PCBP3: variants seen among roughly 807,000 people sequenced by gnomAD.
PCBP3 encodes the protein poly(rC) binding protein 3, also known as poly(rC)-binding protein 3.
In PCBP3, 25 loss-of-function variants were observed where a neutral mutation model predicts 52.7. The ratio of observed to expected loss-of-function variants is 0.47; its 90% CI spans 0.35 to 0.66. The LOEUF is 0.66. PCBP3 is among the 30% of genes least tolerant of loss of function. PCBP3 has a pLI of 0.01. For missense variants in PCBP3, 391 were observed against 490.3 expected, an observed-to-expected ratio of 0.80 and a Z score of 1.91; for synonymous variants, 162 against 183.0, an observed-to-expected ratio of 0.89 and a Z score of 0.93.
At chr21:45,785,175 C>G (rs1304247223) in intron 4 of PCBP3, among the ~76,000 whole-genome samples, 1 of 151,130 alleles carries the variant, frequency 6.6e-6, no homozygotes, top group African/African-American at 2.4e-5. Flanking sequence ...TGAGGATCCC[C>G]TCCGCCCAGC....
At chr21:45,670,090 A>G (rs2081080986) in intron 2 of PCBP3, among the ~76,000 whole-genome samples, 1 of 152,068 alleles carries the variant, frequency 6.6e-6, no homozygotes, top group African/African-American at 2.4e-5. Flanking sequence ...GCAATGCACA[A>G]GGGTTCCAGC....
intron 1 of PCBP3, among the ~76,000 whole-genome samples, chr21:45,653,808 T>C (rs765438685): frequency 2.6e-5 from 4 of 152,178 alleles, no homozygotes; most frequent in Admixed American, 6.5e-5. Flanking sequence ...TTTTTCTCTC[T>C]TTTCTTGCAT....
intron 5 of PCBP3, among the ~76,000 whole-genome samples, chr21:45,867,597 A>G (rs1049366748): frequency 4.6e-5 from 7 of 152,240 alleles, no homozygotes; most frequent in Admixed American, 2.0e-4. Context: ...GTGCACAGAC[A>G]TGGTCCAGGT....
At chr21:45,857,104 C>G (rs1385191475) in intron 5 of PCBP3, among the ~76,000 whole-genome samples, 3 of 152,202 alleles carry the variant, frequency 2.0e-5, no homozygotes, top group Non-Finnish European at 2.9e-5. Context: ...CTCAGTTAAT[C>G]TCTTCAGGAT....
At chr21:45,875,082 C>T (rs1196623956) in intron 5 of PCBP3, among the ~76,000 whole-genome samples, 4 of 152,288 alleles carry the variant, frequency 2.6e-5, no homozygotes, top group South Asian at 2.1e-4. Context: ...TCGCCCCTGA[C>T]GCGGCACCTT....
chr21:45,753,542 A>G (rs796601592), intron 3 of PCBP3, among the ~76,000 whole-genome samples: 4 of 152,014 alleles, frequency 2.6e-5, no homozygotes, highest in African/African-American at 7.2e-5. Flanking sequence ...CTTTACTTTC[A>G]TTTATTTTAA....
chr21:45,940,261 A>G, intron 17 of PCBP3, 62 bp downstream of exon 17: 1 of 1,473,818 alleles, frequency 6.8e-7, no homozygotes, highest in South Asian at 1.2e-5. Flanking sequence ...CCGGCGTTAC[A>G]TCACCTGGAC....
rs2096006594 is a variant in PCBP3, at chr21:45,900,590, G to A, written c.190-1G>A. On this transcript the variant is annotated splice_acceptor_variant, in intron 7 of 17. Coordinates refer to ENST00000681687, the MANE Select transcript of PCBP3 (RefSeq NM_001384156.1). LOFTEE classifies it high-confidence loss of function. ...CCTTATTGTCTAAATCTTTATTCCA[G>A]AAAGGAGAAACTGTGAAGAAGATGC... is the stretch of plus-strand genomic sequence containing the variant. 1 of 1,546,446 alleles carries A rather than the reference G, an allele frequency of 6.5e-7. No individual in the cohort carries two copies. Among genetic ancestry groups the A allele is most frequent in the Non-Finnish European group, 8.8e-7 (1 of 1,136,736 alleles).
Position 45,934,646 on chromosome 21 carries a change from C to G in PCBP3, c.857-607C>G, listed in dbSNP as rs918519958. Among the ~76,000 whole-genome samples the G allele has an allele frequency of 3.9e-5, 6 of 152,336 alleles. No homozygotes were observed. In the Middle Eastern group the frequency reaches 0.014, roughly 345 times the overall value. On this transcript the variant is annotated intron_variant, in intron 15 of 17. Transcript: ENST00000681687. ...CCTGGTGGGCCTGAGCTGTCTGAGC[C>G]AGGCTATGTGCAGGGGCCTCTGGAC...
At chr21:45,723,305 A>G (rs1460150585) in intron 2 of PCBP3, among the ~76,000 whole-genome samples, 5 of 152,162 alleles carry the variant, frequency 3.3e-5, no homozygotes, top group African/African-American at 7.2e-5. Context: ...ATTCTCCATC[A>G]GGGATTGGTG....
intron 4 of PCBP3, among the ~76,000 whole-genome samples, chr21:45,799,080 A>G (rs1240167580): frequency 2.6e-5 from 4 of 152,226 alleles, no homozygotes; most frequent in Non-Finnish European, 4.4e-5. Flanking sequence ...GGATGAATGC[A>G]TGGATCCATA....
chr21:45,775,605 G>A (rs2090194966), intron 4 of PCBP3, among the ~76,000 whole-genome samples: 1 of 152,100 alleles, frequency 6.6e-6, no homozygotes, highest in Non-Finnish European at 1.5e-5. Context: ...TTTCTTTAGA[G>A]ATAAGGTCTT....
At chr21:45,786,472 G>C (rs915932113) in intron 4 of PCBP3, among the ~76,000 whole-genome samples, 64 of 152,096 alleles carry the variant, frequency 4.2e-4, no homozygotes, top group African/African-American at 1.4e-3. Context: ...TGTATTTTTA[G>C]TAGAGATGGG....
chr21:45,698,548 G>T (rs1367284120), intron 2 of PCBP3, among the ~76,000 whole-genome samples: 1 of 152,248 alleles, frequency 6.6e-6, no homozygotes, highest in Non-Finnish European at 1.5e-5. Flanking sequence ...ATGTGACATA[G>T]AGGAAAAGAA....
At chr21:45,745,667 A>G (rs2086776033) in intron 3 of PCBP3, among the ~76,000 whole-genome samples, 1 of 152,212 alleles carries the variant, frequency 6.6e-6, no homozygotes, top group Non-Finnish European at 1.5e-5. Context: ...GAGCTGGGCA[A>G]TGCATTCTCC....
At chr21:45,819,609 GC>G (rs972005549) in intron 4 of PCBP3, among the ~76,000 whole-genome samples, 1 of 152,258 alleles carries the variant, frequency 6.6e-6, no homozygotes, top group African/African-American at 2.4e-5. Context: ...CGCCCACGCA[GC>G]CCTGAAGTCC....
intron 5 of PCBP3, among the ~76,000 whole-genome samples, chr21:45,891,129 C>T (rs2095651501): frequency 6.6e-6 from 1 of 152,162 alleles, no homozygotes; most frequent in African/African-American, 2.4e-5. Context: ...GATAATAGAA[C>T]CTGGAACTCT....
At chr21:45,686,969 C>G (rs1342309266) in intron 2 of PCBP3, among the ~76,000 whole-genome samples, 1 of 152,030 alleles carries the variant, frequency 6.6e-6, no homozygotes, top group Non-Finnish European at 1.5e-5. Context: ...TTTGAAGAAA[C>G]AATGGCAGGC....
At chr21:45,785,753 G>A (rs2091099207) in intron 4 of PCBP3, among the ~76,000 whole-genome samples, 1 of 151,558 alleles carries the variant, frequency 6.6e-6, no homozygotes, top group South Asian at 2.1e-4. Context: ...GTAGAAAGAG[G>A]TAGACATGGG....
Sources: gnomAD v4.1 joint callset for allele counts (sites outside exome capture counted in the v4.1 genomes callset) on GRCh38, gnomAD v4.1.1 for gene constraint, MANE v1.5 for transcripts, NCBI Gene and HGNC (gene_info 2026-07-23, HGNC 2026-07-21) for gene names.